Variants in RAD54L2 observed in about 807,000 individuals in gnomAD.
RAD54L2 encodes the protein RAD54 like 2, also known as helicase ARIP4.
In RAD54L2, 27 loss-of-function variants were observed where a neutral mutation model predicts 138.4. The ratio of observed to expected loss-of-function variants is 0.20; its 90% confidence interval spans 0.14 to 0.27. The LOEUF (loss-of-function observed/expected upper bound fraction) is 0.27. RAD54L2 is among the 10% of genes least tolerant of loss of function. The pLI, the probability that RAD54L2 is intolerant of heterozygous loss-of-function variation, is 1.00. For synonymous variants in RAD54L2, 644 were observed against 723.2 expected (o/e 0.89, Z 1.76); for missense variants, 1,396 against 1,890.2 (o/e 0.74, Z 4.85).
intron 2 of RAD54L2, among the ~76,000 whole-genome samples, chr3:51,554,556 GA>G (rs1220967370): frequency 1.3e-5 from 2 of 152,000 alleles, no homozygotes; most frequent in Non-Finnish European, 2.9e-5. Context: ...ATAAATGACA[GA>G]TGACGAAATA....
At position 51,638,824 on chromosome 3, in the gene RAD54L2, A is replaced by G. The variant is rs989660331; in HGVS notation, c.1860+503A>G. On this transcript the variant is annotated intron_variant, in intron 12 of 22. Transcript: ENST00000684192. The surrounding 1 kb of genome is among the most constrained non-coding windows in gnomAD (Gnocchi z 4.3). ...TTATTCTTAATTGACCACTGCTTTA[A>G]TAAGTCAGCAGAAGGTATGTGTCTG... 42 of 159,460 alleles carry G rather than the reference A, an allele frequency of 2.6e-4. No individual in the cohort carries two copies. The highest frequency in any genetic ancestry group is 8.7e-4 in the African/African-American group (36 of 41,616). The allele number at this position is 159,460 out of a possible 1,614,324, so 9.9% of individuals were successfully genotyped here. A position where few individuals can be genotyped will look rare whatever the true frequency, so the allele number is the denominator to read the frequency against.
At chr3:51,626,434 A>ATTTTTTTTTTTTTTTT (rs1302087610) in intron 3 of RAD54L2, among the ~76,000 whole-genome samples, 2 of 12,290 alleles carry the variant, frequency 1.6e-4, no homozygotes, top group East Asian at 3.4e-3. Flanking sequence ...ACCCCCAACG[A>ATTTTTTTTTTTTTTTT]TCTTTTTTTT....
chr3:51,578,504 C>G (rs766491408), intron 2 of RAD54L2, among the ~76,000 whole-genome samples: 10 of 152,184 alleles, frequency 6.6e-5, no homozygotes, highest in African/African-American at 1.2e-4. Context: ...TTGAACTGCT[C>G]AGATCACTAC....
intron 2 of RAD54L2, among the ~76,000 whole-genome samples, chr3:51,551,070 A>ATTCC (rs1280545310): frequency 1.3e-5 from 2 of 151,904 alleles, no homozygotes; most frequent in Non-Finnish European, 2.9e-5. Context: ...AGAGAAAGTA[A>ATTCC]TTCCTTTGTA....
chr3:51,553,260 T>C (rs1698884366), intron 2 of RAD54L2, among the ~76,000 whole-genome samples: 1 of 152,134 alleles, frequency 6.6e-6, no homozygotes, highest in South Asian at 2.1e-4. Flanking sequence ...GTATTTTTAG[T>C]AGAGATGGAG....
Position 51,637,140 on chromosome 3 carries a change from C to G in RAD54L2, c.1340-21C>G. The G allele has an allele frequency of 1.3e-6, 2 of 1,557,144 alleles. No individual in the cohort carries two copies. Among genetic ancestry groups the G allele is most frequent in the Non-Finnish European group, 1.7e-6 (2 of 1,148,892 alleles). On this transcript the variant is annotated intron_variant, in intron 10 of 22. Transcript: ENST00000684192. This position sits in a 1 kb window ranked among gnomAD's most constrained non-coding sequence, Gnocchi z 5.9. Reference sequence around the variant, plus strand: ...AGCAGGCCCTGTCACCCTCTGACTCCGGATCCTCTTCCCTCCCTAGAGTTT... The same window carrying G: ...AGCAGGCCCTGTCACCCTCTGACTCGGGATCCTCTTCCCTCCCTAGAGTTT...
intron 2 of RAD54L2, among the ~76,000 whole-genome samples, chr3:51,572,057 A>C (rs1028984556): frequency 1.3e-5 from 2 of 152,076 alleles, no homozygotes; most frequent in African/African-American, 4.8e-5. Flanking sequence ...TTCACTTGTC[A>C]CTGTTTTCTT....
chr3:51,548,317 T>C (rs1698751693), intron 2 of RAD54L2, among the ~76,000 whole-genome samples: 1 of 151,898 alleles, frequency 6.6e-6, no homozygotes, highest in Non-Finnish European at 1.5e-5. Flanking sequence ...GCCTCCTGAG[T>C]AGCTGGGATT....
intron 1 of RAD54L2, among the ~76,000 whole-genome samples, chr3:51,540,598 T>C (rs1698525872): frequency 6.6e-6 from 1 of 152,246 alleles, no homozygotes; most frequent in African/African-American, 2.4e-5. Flanking sequence ...TTGTACCTTC[T>C]GAGTTTAGAG....
intron 3 of RAD54L2, among the ~76,000 whole-genome samples, chr3:51,597,096 C>T (rs529498508): frequency 7.4e-6 from 1 of 135,046 alleles, no homozygotes; most frequent in East Asian, 2.5e-4. Context: ...ACCCAGGAGG[C>T]GGAGGTTACA....
intron 19 of RAD54L2, among the ~76,000 whole-genome samples, chr3:51,650,240 G>C (rs549015591): frequency 5.9e-5 from 9 of 152,116 alleles, no homozygotes; most frequent in African/African-American, 2.2e-4. Flanking sequence ...AGCTAACTAT[G>C]CTAAATATAT....
intron 2 of RAD54L2, among the ~76,000 whole-genome samples, chr3:51,547,082 C>T (rs1698716992): frequency 2.0e-5 from 3 of 152,008 alleles, no homozygotes; most frequent in Non-Finnish European, 4.4e-5. Flanking sequence ...TGCAGTGGCT[C>T]ATGCCTGTAA....
At chr3:51,615,648 A>G (rs1195748033) in intron 3 of RAD54L2, among the ~76,000 whole-genome samples, 1 of 152,194 alleles carries the variant, frequency 6.6e-6, no homozygotes, top group Admixed American at 6.5e-5. Context: ...CAGATGACAA[A>G]TGTTTGATCA....
chr3:51,657,524 C>T lies in RAD54L2; in HGVS notation c.3227-56C>T, dbSNP rs1701634391. 5 of 1,231,874 alleles carry T rather than the reference C, an allele frequency of 4.1e-6. No homozygotes were observed. In the East Asian group the frequency reaches 1.0e-4, roughly 25 times the overall value. 76.3% of individuals were successfully genotyped at this position (1,231,874 alleles called of 1,614,324 possible). A position where few individuals can be genotyped will look rare whatever the true frequency, so the allele number is the denominator to read the frequency against. Reference sequence around the variant, plus strand: ...TAGATGTGGGACTTTGCAATTTTCCCCCCTCCTTCAGTCAGGCCCCGTGCA... The same window carrying T: ...TAGATGTGGGACTTTGCAATTTTCCTCCCTCCTTCAGTCAGGCCCCGTGCA... On this transcript the variant is annotated intron_variant, in intron 20 of 22. Coordinates refer to ENST00000684192, the MANE Select transcript of RAD54L2 (RefSeq NM_015106.4).
At chr3:51,612,387 A>G (rs1357673155) in intron 3 of RAD54L2, among the ~76,000 whole-genome samples, 1 of 152,090 alleles carries the variant, frequency 6.6e-6, no homozygotes, top group Non-Finnish European at 1.5e-5. Flanking sequence ...GCTTGAACCT[A>G]GGAGGTGGAG....
chr3:51,583,260 T>C (rs2106693665), intron 2 of RAD54L2, among the ~76,000 whole-genome samples: 1 of 152,268 alleles, frequency 6.6e-6, no homozygotes, highest in East Asian at 1.9e-4. Context: ...TGTGACTTAT[T>C]GTTTTGATGT....
At chr3:51,576,673 T>C (rs1002671291) in intron 2 of RAD54L2, among the ~76,000 whole-genome samples, 11 of 152,310 alleles carry the variant, frequency 7.2e-5, no homozygotes, top group African/African-American at 2.6e-4. Context: ...AGTTTGTATT[T>C]CTGTGGGATC....
chr3:51,611,454 A>G (rs933493450), intron 3 of RAD54L2: 8 of 152,098 alleles, frequency 5.3e-5, no homozygotes, highest in African/African-American at 1.2e-4. Context: ...CTGTGGTTCA[A>G]TGCCTCAAAG....
chr3:51,649,698 A>C (rs1056225255), intron 19 of RAD54L2, among the ~76,000 whole-genome samples: 2 of 152,228 alleles, frequency 1.3e-5, no homozygotes, highest in Non-Finnish European at 2.9e-5. Context: ...AGCCAAACTA[A>C]GCTTCATAAG....
Sources: gnomAD v4.1 joint callset for allele counts (sites outside exome capture counted in the v4.1 genomes callset) on GRCh38, gnomAD v4.1.1 for gene constraint, Gnocchi (gnomAD v3.1) non-coding constraint, MANE v1.5 for transcripts, NCBI Gene and HGNC (gene_info 2026-07-23, HGNC 2026-07-21) for gene names.